Variants in TTC7A observed in about 807,000 individuals in gnomAD.
TTC7A encodes tetratricopeptide repeat protein 7A.
A neutral mutation model predicts 103.7 loss-of-function variants in TTC7A; 110 were observed. That is an observed-to-expected ratio of 1.06 (90% confidence interval 0.91 to 1.24). TTC7A has a LOEUF of 1.24. TTC7A is among the 50% of genes most tolerant of loss of function. The pLI is 0.00. For synonymous variants in TTC7A, 521 were observed against 467.9 expected, an observed-to-expected ratio of 1.11 and a Z score of -1.47; for missense variants, 1,340 against 1,116.3, an observed-to-expected ratio of 1.20 and a Z score of -2.86.
chr2:47,034,841 C>T (rs1204959109), intron 15 of TTC7A, among the ~76,000 whole-genome samples: 1 of 152,188 alleles, frequency 6.6e-6, no homozygotes, highest in Non-Finnish European at 1.5e-5. Flanking sequence ...CTGGGGGAAG[C>T]TTTCAGAGCC....
chr2:47,061,987 G>A (rs1340689799), intron 19 of TTC7A, among the ~76,000 whole-genome samples: 1 of 152,190 alleles, frequency 6.6e-6, no homozygotes, highest in African/African-American at 2.4e-5. Flanking sequence ...AGCCATTAGG[G>A]TATCCCTGAC....
chr2:46,969,859 T>C (rs1271017069), intron 3 of TTC7A, among the ~76,000 whole-genome samples: 1 of 152,106 alleles, frequency 6.6e-6, no homozygotes, highest in African/African-American at 2.4e-5. Context: ...CAGTCGGAAA[T>C]GGGTAGAGAG....
upstream of TTC7A, among the ~76,000 whole-genome samples, chr2:46,938,188 C>A (rs1323301187): frequency 6.6e-6 from 1 of 152,054 alleles, no homozygotes; most frequent in African/African-American, 2.4e-5. Flanking sequence ...AAGAAAAAAG[C>A]AAAAATCAAG....
intron 8 of TTC7A, chr2:46,999,831 C>A: frequency 1.0e-6 from 1 of 985,418 alleles, no homozygotes; most frequent in South Asian, 4.7e-5. Context: ...AGCTGGCGAA[C>A]AAGTTGCTGC....
intron 8 of TTC7A, among the ~76,000 whole-genome samples, chr2:47,003,024 T>G (rs550096386): frequency 6.6e-6 from 1 of 152,292 alleles, no homozygotes; most frequent in East Asian, 1.9e-4. Context: ...TCCTCTCTTC[T>G]GTTCCTATTC....
intron 6 of TTC7A, chr2:46,994,100 C>T: frequency 2.1e-6 from 1 of 469,518 alleles, no homozygotes; most frequent in Non-Finnish European, 3.8e-6. Context: ...GGAGGAAATG[C>T]TCCTCTTGTC....
At chr2:47,015,711 A>G (rs1235871117) in intron 11 of TTC7A, among the ~76,000 whole-genome samples, 2 of 152,188 alleles carry the variant, frequency 1.3e-5, no homozygotes, top group Non-Finnish European at 2.9e-5. Context: ...CCCCTTGAAA[A>G]TAGCAGGCAC....
At chr2:46,959,204 A>G (rs989948613) in intron 3 of TTC7A, among the ~76,000 whole-genome samples, 5 of 152,170 alleles carry the variant, frequency 3.3e-5, no homozygotes, top group African/African-American at 9.6e-5. Context: ...GAGGCTGACA[A>G]AAAGGAAGCA....
chr2:46,917,612 C>G (rs1668881397), intron 2 of TTC7A, among the ~76,000 whole-genome samples: 1 of 152,104 alleles, frequency 6.6e-6, no homozygotes. Context: ...CATTTTTTTC[C>G]TATGGATGTT....
intron 11 of TTC7A, among the ~76,000 whole-genome samples, chr2:47,019,500 C>T (rs993457752): frequency 6.6e-6 from 1 of 152,018 alleles, no homozygotes; most frequent in Non-Finnish European, 1.5e-5. Flanking sequence ...TTTTAAACTA[C>T]GTGGACAATG....
chr2:46,940,919 A>G (rs1670276552), upstream of TTC7A, among the ~76,000 whole-genome samples: 1 of 151,996 alleles, frequency 6.6e-6, no homozygotes, highest in African/African-American at 2.4e-5. The surrounding 1 kb of genome is among the most constrained non-coding windows in gnomAD (Gnocchi z 4.7). Context: ...ACACAAAGCC[A>G]GGTCGTCGGG....
intron 3 of TTC7A, chr2:46,958,540 T>A (rs1175702205): frequency 7.7e-7 from 1 of 1,303,636 alleles, no homozygotes; most frequent in African/African-American, 1.5e-5. Flanking sequence ...TGGTCAGAGG[T>A]CCTGCAGGGG....
chr2:47,014,987 A>G (rs893627917), intron 11 of TTC7A, among the ~76,000 whole-genome samples: 3 of 152,252 alleles, frequency 2.0e-5, no homozygotes, highest in African/African-American at 7.2e-5. Context: ...AGGGACGTGC[A>G]TGGTCACGTG....
chr2:46,956,128 C>G (rs1189932800), intron 2 of TTC7A, among the ~76,000 whole-genome samples: 1 of 152,212 alleles, frequency 6.6e-6, no homozygotes, highest in Non-Finnish European at 1.5e-5. Flanking sequence ...ACTGCAGGCC[C>G]TAAGGGAGGC....
rs1179897046 is a variant in TTC7A, at chr2:47,074,225, C to T, written c.*302C>T. On this transcript the variant is annotated 3_prime_UTR_variant, in exon 20 of 20. Transcript: ENST00000319190. ...GGGAGCCTCACAGCTGTCCTTCACCCTCACCCATGCCTCTGGCTTGGAGTC... is the reference window on the plus strand; with the variant it reads ...GGGAGCCTCACAGCTGTCCTTCACCTTCACCCATGCCTCTGGCTTGGAGTC... 7 of 437,860 alleles carry T rather than the reference C, an allele frequency of 1.6e-5. No individual in the cohort carries two copies. The highest frequency in any genetic ancestry group is 2.9e-5 in the Non-Finnish European group (7 of 239,108). 27.1% of individuals were successfully genotyped at this position (437,860 alleles called of 1,614,324 possible). A position where few individuals can be genotyped will look rare whatever the true frequency, so the allele number is the denominator to read the frequency against.
At chr2:47,032,516 T>C (rs1295720477) in intron 15 of TTC7A, among the ~76,000 whole-genome samples, 1 of 152,132 alleles carries the variant, frequency 6.6e-6, no homozygotes, top group African/African-American at 2.4e-5. Context: ...GAATCAGCTC[T>C]GAGGTCAGAG....
intron 5 of TTC7A, among the ~76,000 whole-genome samples, chr2:46,980,768 A>C (rs1472783047): frequency 6.6e-6 from 1 of 152,200 alleles, no homozygotes; most frequent in African/African-American, 2.4e-5. Flanking sequence ...TTCCCAGGTT[A>C]CCAACAACTT....
At chr2:46,987,767 G>A (rs550024008) in intron 5 of TTC7A, among the ~76,000 whole-genome samples, 72 of 152,212 alleles carry the variant, frequency 4.7e-4, no homozygotes, top group South Asian at 3.1e-3. Context: ...CCAGGGCTTT[G>A]GCAGGTTGTT....
upstream of TTC7A, among the ~76,000 whole-genome samples, chr2:46,939,004 C>G (rs2103869097): frequency 7.2e-6 from 1 of 137,956 alleles, no homozygotes; most frequent in African/African-American, 2.8e-5. Context: ...GAGCGAGACT[C>G]TGTCTCAAAA....
Sources: allele counts gnomAD v4.1 joint callset (sites outside exome capture counted in the v4.1 genomes callset), GRCh38; gene constraint gnomAD v4.1.1; non-coding constraint Gnocchi (gnomAD v3.1); transcripts MANE v1.5; gene names NCBI Gene and HGNC (gene_info 2026-07-23, HGNC 2026-07-21).